PPL: variants seen among roughly 807,000 people sequenced by gnomAD.
The protein encoded by PPL is periplakin.
In PPL, 198 loss-of-function variants were observed where a neutral mutation model predicts 194.4. The ratio of observed to expected loss-of-function variants is 1.02; its 90% CI spans 0.91 to 1.15. The LOEUF is 1.15. Among genes scored for constraint, PPL ranks in the 50% most tolerant of loss-of-function variants. The pLI is 0.00. For synonymous variants in PPL, 1,220 were observed against 972.4 expected, an observed-to-expected ratio of 1.25 and a Z score of -4.74; for missense variants, 2,885 against 2,294.8, an observed-to-expected ratio of 1.26 and a Z score of -5.25.
At position 4,902,093 on chromosome 16, in the gene PPL, C is replaced by A. The variant is rs2088584750; in HGVS notation, c.438+313G>T. Among the ~76,000 whole-genome samples, 1 of 152,210 alleles carries A rather than the reference C, an allele frequency of 6.6e-6. No individual in the cohort carries two copies. On this transcript the variant is annotated intron_variant, in intron 4 of 21. Coordinates refer to ENST00000345988, the MANE Select transcript of PPL (RefSeq NM_002705.5). The surrounding 1 kb of genome is among the most constrained non-coding windows in gnomAD (Gnocchi z 4.0). ...AGGCCAGAAGCCTGGCCGCTTCCGCCCCAGCCTGCCCACAAAATGTCACCA... is the reference window on the plus strand; with the variant it reads ...AGGCCAGAAGCCTGGCCGCTTCCGCACCAGCCTGCCCACAAAATGTCACCA...
chr16:4,885,271 C>A lies in PPL; in HGVS notation c.3384G>T (p.Arg1128Ser). 6 of 1,612,258 alleles carry A rather than the reference C, an allele frequency of 3.7e-6. No individual in the cohort carries two copies. Among genetic ancestry groups the A allele is most frequent in the Non-Finnish European group, 4.2e-6 (5 of 1,179,988 alleles). The change falls in exon 22 of 22, where the codon AGG becomes AGT. Residue 1128 changes from arginine (R) to serine (S), a missense_variant. Physicochemically the swap from Arg to Ser is moderately radical, Grantham distance 110. Transcript: ENST00000345988. This position sits in a 1 kb window ranked among gnomAD's most constrained non-coding sequence, Gnocchi z 6.3. ...ATTGGCGGGTGAGATCGCTGACCTCCCTCTCGGTGGCCGCGTCCTTCTCCA... is the reference window on the plus strand; with the variant it reads ...ATTGGCGGGTGAGATCGCTGACCTCACTCTCGGTGGCCGCGTCCTTCTCCA... ...LKVEKDAATE[R>S]EVSDLTRQYE...
chr16:4,888,190 C>T lies in PPL; in HGVS notation c.2426G>A (p.Arg809Lys). 6.2e-7 allele frequency: 1 copy of T among 1,613,026 alleles called. No homozygotes were observed. The highest frequency in any genetic ancestry group is 8.5e-7 in the Non-Finnish European group (1 of 1,179,032). The change falls in exon 20 of 22, where the codon AGG becomes AAG. Residue 809 changes from arginine (R) to lysine (K), a missense_variant. Arg to Lys is a conservative substitution (Grantham distance 26). Transcript: ENST00000345988. The part of the protein sequence containing the change: ...KDYELEAEKL[R>K]SLLDLENGRR... ...TCCATTCTCCAAGTCGAGAAGAGAC[C>T]TTAGTTTTTCTGCTTCTAACTCATA...
chr16:4,884,113 T>G lies in PPL; in HGVS notation c.4542A>C (p.Gln1514His). The G allele has an allele frequency of 3.1e-6, 5 of 1,613,434 alleles. No individual in the cohort carries two copies. The highest frequency in any genetic ancestry group is 4.2e-6 in the Non-Finnish European group (5 of 1,179,968). The change falls in exon 22 of 22, where the codon CAA (glutamine) becomes CAC (histidine). Residue 1514 changes from glutamine to histidine, a missense_variant. By Grantham distance (24) the Gln-to-His change is conservative. Transcript: ENST00000345988. The surrounding 1 kb of genome is among the most constrained non-coding windows in gnomAD (Gnocchi z 5.7). ...GGCTGCTCTTGAGCCTCTGGATCTC[T>G]TGCTCGGTGTCGCCCTTCTCCACCT... ...SVQVEKGDTE[Q>H]EIQRLKSSLE...
intron 1 of PPL, among the ~76,000 whole-genome samples, chr16:4,929,060 T>C (rs957289635): frequency 1.1e-4 from 15 of 142,330 alleles, no homozygotes; most frequent in African/African-American, 1.8e-4. Context: ...CCGAGAGTCC[T>C]GGAGCGAGTC....
chr16:4,907,480 G>C (rs183408868), intron 2 of PPL, among the ~76,000 whole-genome samples: 215 of 152,216 alleles, frequency 1.4e-3, no homozygotes, highest in African/African-American at 4.9e-3. Flanking sequence ...TGCAGTGTAT[G>C]ATTCTGTTTA....
At chr16:4,893,745 C>A (rs2088365813) in intron 12 of PPL, 107 bp from the exon 13 acceptor site, 1 of 885,298 alleles carries the variant, frequency 1.1e-6, no homozygotes, top group East Asian at 2.7e-5. Context: ...AGGAGCCTGA[C>A]AGCTCCTTAG....
chr16:4,908,608 G>C (rs181219790), intron 2 of PPL, among the ~76,000 whole-genome samples: 7 of 152,176 alleles, frequency 4.6e-5, no homozygotes, highest in Non-Finnish European at 8.8e-5. Context: ...TGTCATCTCT[G>C]CTCACTGCAG....
At chr16:4,895,197 G>C in intron 11 of PPL, 64 bp downstream of exon 11, 2 of 1,504,000 alleles carry the variant, frequency 1.3e-6, no homozygotes, top group East Asian at 2.4e-5. Flanking sequence ...CTGAGGCCCG[G>C]GATCCAACCA....
rs751551981 is a variant in PPL, at chr16:4,888,142, C to G, written c.2474G>C (p.Arg825Thr). ...ENGRRSHVSKRARLQSPATKV... is the reference protein window; with the variant it reads ...ENGRRSHVSKTARLQSPATKV... ...GGTGGCAGGAGATTGGAGCCTGGCTCTCTTGCTCACGTGGCTTCTCCTTCC... is the reference window on the plus strand; with the variant it reads ...GGTGGCAGGAGATTGGAGCCTGGCTGTCTTGCTCACGTGGCTTCTCCTTCC... The change falls in exon 20 of 22, where the codon AGA becomes ACA. Residue 825 changes from arginine (R) to threonine (T), a missense_variant. Transcript: ENST00000345988. 7 of 1,614,018 alleles carry G rather than the reference C, an allele frequency of 4.3e-6. No homozygotes were observed. The highest frequency in any genetic ancestry group is 5.9e-6 in the Non-Finnish European group (7 of 1,179,870).
chr16:4,894,720 G>T, intron 11 of PPL, 102 bp from the exon 12 acceptor site: 1 of 1,375,870 alleles, frequency 7.3e-7, no homozygotes, highest in Non-Finnish European at 9.9e-7. Context: ...GGGAGCCCCG[G>T]CTCATCACTT....
chr16:4,887,156 A>G lies in PPL; in HGVS notation c.2586T>C (p.Phe862=), dbSNP rs1210823650. The G allele has an allele frequency of 1.2e-6, 2 of 1,614,094 alleles. No individual in the cohort carries two copies. Among genetic ancestry groups the G allele is most frequent in the Admixed American group, 1.7e-5 (1 of 60,030 alleles). The change falls in exon 21 of 22, where the codon TTT becomes TTC. Residue 862 remains phenylalanine (F), a synonymous_variant. Transcript: ENST00000345988. ...INRQRLQNLE[F]ALNLLRQQPE... ...TTACCTGTCTGAGGAGATTCAGAGC[A>G]AACTCCAGATTCTGCAGCCTCTGTC...
chr16:4,883,397 G>C lies in PPL; in HGVS notation c.5258C>G (p.Ser1753Cys). The change falls in exon 22 of 22, where the codon TCT becomes TGT. Residue 1753 changes from serine to cysteine, a missense_variant. By Grantham distance (112) the Ser-to-Cys change is moderately radical (BLOSUM62 -1). Coordinates refer to ENST00000345988, the MANE Select transcript of PPL (RefSeq NM_002705.5). The surrounding 1 kb of genome is among the most constrained non-coding windows in gnomAD (Gnocchi z 4.8). ...CAAGAGCTGTGCCTACTTCTGCCCA[G>C]ATACCAAGACCGCCAGCTCCTGGAT... ...MSIQELAVLV[S>C]GQK is the part of the protein sequence containing the mutation. The C allele has an allele frequency of 6.2e-7, 1 of 1,614,074 alleles. No homozygotes were observed. Among genetic ancestry groups the C allele is most frequent in the Non-Finnish European group, 8.5e-7 (1 of 1,180,028 alleles).
chr16:4,912,483 G>A (rs545533628), intron 1 of PPL, among the ~76,000 whole-genome samples: 1 of 152,336 alleles, frequency 6.6e-6, no homozygotes, highest in East Asian at 1.9e-4. Context: ...CCACCTTTGG[G>A]CCATCGTGAG....
At chr16:4,886,389 T>C (rs896692699) in intron 21 of PPL, among the ~76,000 whole-genome samples, 1 of 152,236 alleles carries the variant, frequency 6.6e-6, no homozygotes, top group Non-Finnish European at 1.5e-5. Context: ...TGTGTTTATC[T>C]CTCCTGCACA....
intron 6 of PPL, 38 bp downstream of exon 6, chr16:4,900,792 C>G: frequency 1.2e-6 from 2 of 1,613,826 alleles, no homozygotes; most frequent in Non-Finnish European, 1.7e-6. Context: ...CCATCCTCTC[C>G]TCTCCCCATG....
intron 17 of PPL, 86 bp downstream of exon 17, chr16:4,890,642 T>C (rs2088301424): frequency 6.9e-7 from 1 of 1,443,934 alleles, no homozygotes. Flanking sequence ...CAGCAAAATC[T>C]GTGGGACACG....
chr16:4,888,549 C>T (rs1249571711), intron 19 of PPL, among the ~76,000 whole-genome samples: 1 of 152,186 alleles, frequency 6.6e-6, no homozygotes, highest in African/African-American at 2.4e-5. Context: ...TCTCACCTTG[C>T]CACCACCTCT....
At chr16:4,897,811 C>A in intron 8 of PPL, 41 bp from the exon 9 acceptor site, 1 of 1,523,882 alleles carries the variant, frequency 6.6e-7, no homozygotes, top group Non-Finnish European at 9.1e-7. Flanking sequence ...TGGGCAGGTA[C>A]TGCAGACACC....
chr16:4,918,652 G>T (rs1167523711), intron 1 of PPL, among the ~76,000 whole-genome samples: 4 of 152,216 alleles, frequency 2.6e-5, no homozygotes, highest in African/African-American at 9.6e-5. Context: ...TTTGGCCACA[G>T]TTCCACTGCC....
Sources: allele counts gnomAD v4.1 joint callset (sites outside exome capture counted in the v4.1 genomes callset), GRCh38; gene constraint gnomAD v4.1.1; non-coding constraint Gnocchi (gnomAD v3.1); transcripts MANE v1.5; gene names NCBI Gene and HGNC (gene_info 2026-07-23, HGNC 2026-07-21).